ACVR1: variants seen among roughly 807,000 people sequenced by gnomAD.
ACVR1 encodes the protein activin receptor type-1.
In ACVR1, 38 loss-of-function variants were observed where a neutral mutation model predicts 57.1. That is an observed-to-expected ratio of 0.67 (90% confidence interval 0.51 to 0.87). ACVR1 has a LOEUF of 0.87. ACVR1 is among the 40% of genes least tolerant of loss of function. ACVR1 has a pLI of 0.00. For missense variants in ACVR1, 463 were observed against 638.2 expected (o/e 0.73, Z 2.96); for synonymous variants, 212 against 228.1 (o/e 0.93, Z 0.63).
chr2:157,739,105 C>T (rs190341147), intron 9 of ACVR1, among the ~76,000 whole-genome samples: 16 of 152,278 alleles, frequency 1.1e-4, no homozygotes, highest in African/African-American at 2.6e-4. Flanking sequence ...TAATCTCTTC[C>T]ATTAGGAGGG....
chr2:157,751,624 T>C (rs1241163336), intron 9 of ACVR1, among the ~76,000 whole-genome samples: 1 of 152,158 alleles, frequency 6.6e-6, no homozygotes, highest in Non-Finnish European at 1.5e-5. Flanking sequence ...GGGAGCACAG[T>C]GGGAGTGAGA....
chr2:157,771,943 A>C (rs1276320755), intron 6 of ACVR1, among the ~76,000 whole-genome samples: 1 of 152,206 alleles, frequency 6.6e-6, no homozygotes, highest in East Asian at 1.9e-4. Context: ...TGGCTGCCAG[A>C]AAATGGTATG....
chr2:157,799,273 T>C (rs1262372433), intron 3 of ACVR1, among the ~76,000 whole-genome samples, 154 bp downstream of exon 3: 2 of 152,046 alleles, frequency 1.3e-5, no homozygotes, highest in Non-Finnish European at 2.9e-5. Flanking sequence ...ATATAATGTA[T>C]ATAAGAATTT....
chr2:157,753,241 C>T (rs936454765), intron 9 of ACVR1, among the ~76,000 whole-genome samples: 2 of 152,130 alleles, frequency 1.3e-5, no homozygotes, highest in African/African-American at 2.4e-5. Context: ...AGATAAAAGG[C>T]CTTGACAGCC....
At position 157,856,700 on chromosome 2, in the gene ACVR1, G is replaced by A. The variant is rs142299500; in HGVS notation, c.-183+19096C>T. 9.1e-3 allele frequency among the ~76,000 whole-genome samples: 1,391 copies of A among 152,212 alleles called. 26 individuals carry two copies. The highest frequency in any genetic ancestry group is 0.031 in the Middle Eastern group (9 of 294). On this transcript the variant is annotated intron_variant, in intron 1 of 10. Coordinates refer to ENST00000434821, the MANE Select transcript of ACVR1 (RefSeq NM_001111067.4). Reference sequence around the variant, plus strand: ...TTTGAAGTCCAGAGAGGTTTGGGCCGCTTCCACTATAGATGATTTCTGGTA... The same window carrying A: ...TTTGAAGTCCAGAGAGGTTTGGGCCACTTCCACTATAGATGATTTCTGGTA...
intron 1 of ACVR1, among the ~76,000 whole-genome samples, chr2:157,850,906 G>A (rs535749122): frequency 1.3e-5 from 2 of 152,214 alleles, no homozygotes; most frequent in African/African-American, 4.8e-5. Context: ...GTAATGAGTC[G>A]AGATCGCGCC....
chr2:157,795,998 C>A (rs914105184), intron 3 of ACVR1, among the ~76,000 whole-genome samples: 1 of 152,024 alleles, frequency 6.6e-6, no homozygotes, highest in Non-Finnish European at 1.5e-5. Context: ...TAGAGGTGGG[C>A]GGACTGCTTG....
chr2:157,781,168 A>C (rs1247481276), intron 3 of ACVR1, among the ~76,000 whole-genome samples: 2 of 152,190 alleles, frequency 1.3e-5, no homozygotes, highest in East Asian at 1.9e-4. Context: ...TTGAGACCAG[A>C]AAAGTTTCAA....
chr2:157,820,722 A>G (rs757914809), intron 1 of ACVR1, among the ~76,000 whole-genome samples: 5 of 152,044 alleles, frequency 3.3e-5, no homozygotes, highest in African/African-American at 4.8e-5. Context: ...AAAGATTCTT[A>G]TATTTCCCAG....
At chr2:157,784,557 T>C (rs1686643156) in intron 3 of ACVR1, among the ~76,000 whole-genome samples, 1 of 152,224 alleles carries the variant, frequency 6.6e-6, no homozygotes, top group Non-Finnish European at 1.5e-5. Context: ...CTCCCGGCAT[T>C]ACTCAGTGTT....
intron 1 of ACVR1, among the ~76,000 whole-genome samples, chr2:157,852,132 C>T (rs190306304): frequency 7.6e-4 from 116 of 151,902 alleles, no homozygotes; most frequent in African/African-American, 2.7e-3. Context: ...AAGCCTATTT[C>T]CAAACTCAAG....
intron 1 of ACVR1, among the ~76,000 whole-genome samples, chr2:157,829,904 C>T (rs139896051): frequency 1.4e-3 from 217 of 152,220 alleles, no homozygotes; most frequent in African/African-American, 4.6e-3. Flanking sequence ...TATGAAACAT[C>T]AAGGATAGTC....
chr2:157,872,449 A>C (rs927911809), intron 1 of ACVR1, among the ~76,000 whole-genome samples: 4 of 152,200 alleles, frequency 2.6e-5, no homozygotes, highest in Admixed American at 1.3e-4. Context: ...GATGCTGAAA[A>C]GTGCTAGCTT....
intron 2 of ACVR1, 118 bp from the exon 3 acceptor site, chr2:157,799,618 T>C (rs1405514642): frequency 1.1e-5 from 8 of 740,390 alleles, no homozygotes; most frequent in South Asian, 3.0e-5. Context: ...CACCCTCAGA[T>C]ATATTGCCTT....
chr2:157,854,076 C>A (rs886953971), intron 1 of ACVR1, among the ~76,000 whole-genome samples: 1 of 151,942 alleles, frequency 6.6e-6, no homozygotes, highest in African/African-American at 2.4e-5. Flanking sequence ...TCTCTTGAAG[C>A]CAGGAATAGC....
chr2:157,788,229 C>A (rs576815937), intron 3 of ACVR1, among the ~76,000 whole-genome samples: 1 of 152,262 alleles, frequency 6.6e-6, no homozygotes, highest in Non-Finnish European at 1.5e-5. Context: ...ACTTATCCCC[C>A]CTTATGCACC....
intron 1 of ACVR1, among the ~76,000 whole-genome samples, chr2:157,851,177 A>C (rs147687381): frequency 1.3e-5 from 2 of 152,274 alleles, no homozygotes; most frequent in East Asian, 3.9e-4. Context: ...CTTAAGGTAA[A>C]TTTAAGATCC....
intron 1 of ACVR1, among the ~76,000 whole-genome samples, chr2:157,854,388 T>C (rs1193303033): frequency 6.6e-6 from 1 of 152,060 alleles, no homozygotes; most frequent in African/African-American, 2.4e-5. Context: ...AGGAAGACAA[T>C]GACAGTGTTC....
intron 2 of ACVR1, among the ~76,000 whole-genome samples, chr2:157,813,290 C>A (rs1034105421): frequency 5.3e-5 from 8 of 151,742 alleles, no homozygotes; most frequent in African/African-American, 1.9e-4. Flanking sequence ...CAGAAATAGA[C>A]CAAAATCTAT....
Sources: allele counts gnomAD v4.1 joint callset (sites outside exome capture counted in the v4.1 genomes callset), GRCh38; gene constraint gnomAD v4.1.1; transcripts MANE v1.5; gene names NCBI Gene and HGNC (gene_info 2026-07-23, HGNC 2026-07-21).